Variants in EXOC4 observed in about 807,000 individuals in gnomAD.
The protein encoded by EXOC4 is exocyst complex component 4, also known as SEC8-like 1.
A neutral mutation model predicts 107.2 loss-of-function variants in EXOC4; 71 were observed. The observed-to-expected ratio is 0.66, with a 90% CI of 0.55 to 0.81. The LOEUF is 0.81. EXOC4 is among the 30% of genes least tolerant of loss of function. The probability of loss-of-function intolerance (pLI) is 0.00; values close to 1 mark genes in which losing one functional copy is unlikely to be tolerated. For synonymous variants in EXOC4, 456 were observed against 441.2 expected, an observed-to-expected ratio of 1.03 and a Z score of -0.42; for missense variants, 1,108 against 1,189.6, an observed-to-expected ratio of 0.93 and a Z score of 1.01.
intron 7 of EXOC4, among the ~76,000 whole-genome samples, chr7:133,426,425 G>T (rs1797727788): frequency 1.3e-5 from 2 of 152,194 alleles, no homozygotes; most frequent in African/African-American, 2.4e-5. Flanking sequence ...ATTGTCTGAG[G>T]CCCCAGAAAT....
intron 7 of EXOC4, among the ~76,000 whole-genome samples, chr7:133,469,717 G>T (rs1798824662): frequency 6.6e-6 from 1 of 152,112 alleles, no homozygotes; most frequent in African/African-American, 2.4e-5. Flanking sequence ...TCAGCAACTG[G>T]ATGTGAGACC....
chr7:133,669,075 A>G (rs996292001), intron 10 of EXOC4, among the ~76,000 whole-genome samples: 3 of 137,776 alleles, frequency 2.2e-5, no homozygotes, highest in African/African-American at 8.1e-5. Flanking sequence ...TTAGTAAGGC[A>G]TGTTGGGTGA....
Position 133,341,658 on chromosome 7 carries a change from G to A in EXOC4, c.764-14672G>A, listed in dbSNP as rs191754935. On this transcript the variant is annotated intron_variant, in intron 5 of 17. Coordinates refer to ENST00000253861, the MANE Select transcript of EXOC4 (RefSeq NM_021807.4). ...TGAAGTCCACCACTCTTATCGTGTTGCTGTCTATCTCATTTCTTAAGTCTA... is the reference window on the plus strand; with the variant it reads ...TGAAGTCCACCACTCTTATCGTGTTACTGTCTATCTCATTTCTTAAGTCTA... 1.1e-4 allele frequency among the ~76,000 whole-genome samples: 16 copies of A among 152,210 alleles called. No individual in the cohort carries two copies. The East Asian group carries it at 2.9e-3, about 28-fold the overall frequency.
intron 9 of EXOC4, among the ~76,000 whole-genome samples, chr7:133,482,174 CT>C (rs928701708): frequency 6.6e-6 from 1 of 152,232 alleles, no homozygotes; most frequent in East Asian, 1.9e-4. Flanking sequence ...TAATTATTTT[CT>C]TTCTTAAAAA....
At chr7:133,645,000 C>G (rs1298065472) in intron 10 of EXOC4, among the ~76,000 whole-genome samples, 2 of 151,936 alleles carry the variant, frequency 1.3e-5, no homozygotes, top group Admixed American at 1.3e-4. Flanking sequence ...TTCTTTCTCT[C>G]TACTCGATGC....
At position 133,729,365 on chromosome 7, in the gene EXOC4, A is replaced by G. The variant is rs151027837; in HGVS notation, c.1515-87960A>G. ...CACTAGTCTATTGTATAATTGTTAAAGCAATGCTATTTGCTTATTTGTCTT... is the reference window on the plus strand; with the variant it reads ...CACTAGTCTATTGTATAATTGTTAAGGCAATGCTATTTGCTTATTTGTCTT... On this transcript the variant is annotated intron_variant, in intron 10 of 17. Transcript: ENST00000253861. Among the ~76,000 whole-genome samples the G allele has an allele frequency of 2.4e-3, 362 of 152,272 alleles. 5 individuals are homozygous for G. The highest frequency in any genetic ancestry group is 8.1e-3 in the African/African-American group (338 of 41,570).
chr7:133,509,296 C>T (rs1294438977), intron 9 of EXOC4, among the ~76,000 whole-genome samples: 2 of 151,846 alleles, frequency 1.3e-5, no homozygotes, highest in African/African-American at 2.4e-5. Context: ...GGCGTGGTGG[C>T]GGGTGCCTGT....
At chr7:133,506,396 A>G (rs1799666307) in intron 9 of EXOC4, among the ~76,000 whole-genome samples, 1 of 152,114 alleles carries the variant, frequency 6.6e-6, no homozygotes, top group African/African-American at 2.4e-5. Flanking sequence ...GAACAGTTAG[A>G]GGTCTGGAAA....
chr7:133,808,901 G>T (rs1797147286), intron 10 of EXOC4, among the ~76,000 whole-genome samples: 1 of 152,092 alleles, frequency 6.6e-6, no homozygotes, highest in Non-Finnish European at 1.5e-5. Flanking sequence ...AGTGCTGTTT[G>T]CCATCTTTGT....
chr7:133,427,109 TA>T, intron 7 of EXOC4, among the ~76,000 whole-genome samples: 1 of 152,344 alleles, frequency 6.6e-6, no homozygotes, highest in East Asian at 1.9e-4. Flanking sequence ...TGAGTTGTTT[TA>T]TTTTTTTCAA....
At chr7:133,443,810 G>A (rs1353071480) in intron 7 of EXOC4, among the ~76,000 whole-genome samples, 1 of 152,142 alleles carries the variant, frequency 6.6e-6, no homozygotes, top group Non-Finnish European at 1.5e-5. Context: ...CCTCTCAAAG[G>A]GGCATGTAGT....
intron 10 of EXOC4, among the ~76,000 whole-genome samples, chr7:133,793,272 C>CT: frequency 6.6e-6 from 1 of 152,012 alleles, no homozygotes. Context: ...TTAATCTTGA[C>CT]TATATTAATA....
chr7:133,785,154 A>G (rs770292122), intron 10 of EXOC4, among the ~76,000 whole-genome samples: 9 of 152,156 alleles, frequency 5.9e-5, no homozygotes, highest in South Asian at 2.1e-4. Flanking sequence ...AGGAACTTCT[A>G]TTTATCAGCC....
chr7:133,391,681 A>T (rs1174903201), intron 7 of EXOC4, among the ~76,000 whole-genome samples: 1 of 152,232 alleles, frequency 6.6e-6, no homozygotes, highest in Non-Finnish European at 1.5e-5. Flanking sequence ...ACTCCTCATT[A>T]GTTGGCATTA....
At chr7:133,855,846 C>A (rs956510904) in intron 11 of EXOC4, among the ~76,000 whole-genome samples, 5 of 152,162 alleles carry the variant, frequency 3.3e-5, no homozygotes, top group African/African-American at 1.2e-4. Flanking sequence ...CATCTGTCTA[C>A]AGAGAAGGCG....
intron 9 of EXOC4, among the ~76,000 whole-genome samples, chr7:133,541,650 C>T (rs928011657): frequency 6.6e-6 from 1 of 151,974 alleles, no homozygotes; most frequent in East Asian, 1.9e-4. Flanking sequence ...CAGGCAGGCA[C>T]CACCATGCGT....
intron 9 of EXOC4, among the ~76,000 whole-genome samples, chr7:133,580,312 C>A (rs1801225693): frequency 6.6e-6 from 1 of 151,940 alleles, no homozygotes; most frequent in Admixed American, 6.5e-5. Context: ...CATGGGTATA[C>A]AAATATTTTT....
chr7:133,338,382 A>G (rs939408382), intron 5 of EXOC4, among the ~76,000 whole-genome samples: 5 of 150,060 alleles, frequency 3.3e-5, no homozygotes, highest in Admixed American at 3.3e-4. Context: ...TCATGAGGTC[A>G]GGAGATCGAG....
intron 10 of EXOC4, among the ~76,000 whole-genome samples, chr7:133,726,687 C>G (rs1217060697): frequency 6.6e-6 from 1 of 152,164 alleles, no homozygotes; most frequent in East Asian, 1.9e-4. Flanking sequence ...ACTAGGAGCC[C>G]TTTCAAATGC....
Sources: gnomAD v4.1 joint callset for allele counts (sites outside exome capture counted in the v4.1 genomes callset) on GRCh38, gnomAD v4.1.1 for gene constraint, MANE v1.5 for transcripts, NCBI Gene and HGNC (gene_info 2026-07-23, HGNC 2026-07-21) for gene names.